ZDHHC7: variants seen among roughly 807,000 people sequenced by gnomAD.
ZDHHC7 encodes zDHHC palmitoyltransferase 7.
A neutral mutation model predicts 34.1 loss-of-function variants in ZDHHC7; 12 were observed. That is an observed-to-expected ratio of 0.35 (90% CI 0.23 to 0.57). The LOEUF (loss-of-function observed/expected upper bound fraction) is 0.57, where lower values mean the gene tolerates loss of function less well. Among genes scored for constraint, ZDHHC7 ranks in the 20% least tolerant of loss-of-function variants. ZDHHC7 has a pLI of 0.84. For missense variants in ZDHHC7, 388 were observed against 402.7 expected (o/e 0.96, Z 0.31); for synonymous variants, 185 against 155.4 (o/e 1.19, Z -1.42).
rs1478293181 is a variant in ZDHHC7, at chr16:85,011,513, G to T, written c.-331C>A. The T allele has an allele frequency of 1.3e-5, 2 of 152,220 alleles. No homozygotes were observed. Among genetic ancestry groups the T allele is most frequent in the Non-Finnish European group, 2.9e-5 (2 of 68,044 alleles). 9.4% of individuals were successfully genotyped at this position (152,220 alleles called of 1,614,324 possible). A position where few individuals can be genotyped will look rare whatever the true frequency, so the allele number is the denominator to read the frequency against. ...CAGCCCGGAGCCTTGGCTGGAGAGC[G>T]GGGCGGTGCGAGCGCCGGAAGTGAA... On this transcript the variant is annotated 5_prime_UTR_variant, in exon 1 of 8. Transcript: ENST00000313732.
At chr16:84,983,810 G>T (rs1470853136) in intron 3 of ZDHHC7, among the ~76,000 whole-genome samples, 1 of 151,720 alleles carries the variant, frequency 6.6e-6, no homozygotes, top group Non-Finnish European at 1.5e-5. Flanking sequence ...GACCAGCCTG[G>T]CAAAGATGGC....
chr16:85,013,936 C>A (rs1178519611), upstream of ZDHHC7, among the ~76,000 whole-genome samples: 1 of 152,198 alleles, frequency 6.6e-6, no homozygotes, highest in African/African-American at 2.4e-5. Context: ...AATCCACCCA[C>A]CTTGGCCTCC....
At chr16:85,015,397 G>A (rs923025281), upstream of ZDHHC7, among the ~76,000 whole-genome samples, 3 of 151,978 alleles carry the variant, frequency 2.0e-5, no homozygotes, top group African/African-American at 2.4e-5. Flanking sequence ...CACCACGCAC[G>A]GCCTCACAGC....
At position 84,986,161 on chromosome 16, in the gene ZDHHC7, C is replaced by A. The variant is rs567512864; in HGVS notation, c.315+4143G>T. Among the ~76,000 whole-genome samples the A allele has an allele frequency of 2.6e-5, 4 of 152,226 alleles. No individual in the cohort carries two copies. The East Asian group carries it at 5.8e-4, about 22-fold the overall frequency. Reference sequence around the variant, plus strand: ...CGGGTTATCTGGGGGAGGGGAACGGCGTGGGCGAGGCCACCACATGATGTG... The same window carrying A: ...CGGGTTATCTGGGGGAGGGGAACGGAGTGGGCGAGGCCACCACATGATGTG... On this transcript the variant is annotated intron_variant, in intron 3 of 7. Transcript: ENST00000313732.
chr16:84,997,818 G>C (rs1226070615), intron 1 of ZDHHC7, among the ~76,000 whole-genome samples: 2 of 147,472 alleles, frequency 1.4e-5, no homozygotes, highest in Non-Finnish European at 3.0e-5. Flanking sequence ...GCATGAACCC[G>C]GGATGCGGAG....
chr16:84,991,918 G>C (rs1349661700), intron 2 of ZDHHC7, among the ~76,000 whole-genome samples: 1 of 152,098 alleles, frequency 6.6e-6, no homozygotes, highest in African/African-American at 2.4e-5. Flanking sequence ...AAAAAAGTAG[G>C]ACCGGGCACA....
At chr16:85,016,024 G>T (rs375863472), upstream of ZDHHC7, among the ~76,000 whole-genome samples, 17 of 152,142 alleles carry the variant, frequency 1.1e-4, no homozygotes, top group East Asian at 2.3e-3. Flanking sequence ...ATTCCAACAG[G>T]AGGAGGGATT....
At chr16:85,026,275 A>G in the ZDHHC7 span, among the ~76,000 whole-genome samples, 12 of 152,184 alleles carry the variant, frequency 7.9e-5, no homozygotes, top group Admixed American at 7.9e-4. Context: ...CATGAATTCT[A>G]CAAGATGGCA....
the ZDHHC7 span, among the ~76,000 whole-genome samples, chr16:85,018,732 G>A: frequency 6.6e-6 from 1 of 152,138 alleles, no homozygotes; most frequent in Non-Finnish European, 1.5e-5. Context: ...TTACAGGCAT[G>A]AGCCACTGCG....
intron 3 of ZDHHC7, among the ~76,000 whole-genome samples, chr16:84,987,955 G>A (rs1306008181): frequency 2.6e-5 from 4 of 152,168 alleles, no homozygotes; most frequent in Non-Finnish European, 5.9e-5. Flanking sequence ...AGATCATAAG[G>A]TCAGGAGATC....
chr16:85,012,370 T>C (rs2072805818), upstream of ZDHHC7, among the ~76,000 whole-genome samples: 1 of 116,834 alleles, frequency 8.6e-6, no homozygotes, highest in African/African-American at 3.8e-5. Context: ...GGCGACAGAG[T>C]GAACAGTCTC....
chr16:85,005,021 C>G (rs919624117), intron 1 of ZDHHC7: 1 of 152,218 alleles, frequency 6.6e-6, no homozygotes, highest in African/African-American at 2.4e-5. Context: ...ACTCGTACCC[C>G]AAAGGTTCCC....
chr16:85,013,792 A>G (rs575283313), upstream of ZDHHC7, among the ~76,000 whole-genome samples: 623 of 152,140 alleles, frequency 4.1e-3, 10 homozygotes, highest in African/African-American at 0.014. Flanking sequence ...GGTTCAAGCA[A>G]TTCTCCTGCC....
At position 84,977,095 on chromosome 16, in the gene ZDHHC7, C is replaced by T. The variant is rs1426357784; in HGVS notation, c.750G>A (p.Thr250=). Residue 250 remains threonine (T), a splice_region_variant and synonymous_variant, in exon 7 of 8, where the codon ACG becomes ACA. Coordinates refer to ENST00000313732, the MANE Select transcript of ZDHHC7 (RefSeq NM_017740.3). ...CCACACAGCCGAGAACAAAGCTTACCGTCTCGTCGTTGCATATGGAGTGGA... is the reference window on the plus strand; with the variant it reads ...CCACACAGCCGAGAACAAAGCTTACTGTCTCGTCGTTGCATATGGAGTGGA... ...TQIHSICNDE[T]EIERLKSEKP... 3 of 1,614,086 alleles carry T rather than the reference C, an allele frequency of 1.9e-6. No individual in the cohort carries two copies. The highest frequency in any genetic ancestry group is 2.5e-6 in the Non-Finnish European group (3 of 1,179,996).
intron 1 of ZDHHC7, among the ~76,000 whole-genome samples, chr16:84,996,235 T>A (rs2072575013): frequency 6.6e-6 from 1 of 152,214 alleles, no homozygotes; most frequent in Non-Finnish European, 1.5e-5. Context: ...CCATTTACCC[T>A]CCTGCTCTTT....
chr16:85,025,089 C>G, the ZDHHC7 span, among the ~76,000 whole-genome samples: 1 of 151,988 alleles, frequency 6.6e-6, no homozygotes, highest in African/African-American at 2.4e-5. Flanking sequence ...CCAGCCTGGC[C>G]AACATGGTGA....
Position 84,990,640 on chromosome 16 carries a change from G to A in ZDHHC7, c.-17-5C>T, listed in dbSNP as rs2072497765. ...GCATGATTTCCCTGACGCACCCTGG[G>A]GAGGGGGACGACACAGAGCTGGTAA... is the stretch of plus-strand genomic sequence containing the variant. On this transcript the variant is annotated splice_polypyrimidine_tract_variant and splice_region_variant and intron_variant, in intron 2 of 7. Coordinates refer to ENST00000313732, the MANE Select transcript of ZDHHC7 (RefSeq NM_017740.3). The A allele has an allele frequency of 2.5e-6, 4 of 1,606,758 alleles. No individual in the cohort carries two copies. The highest frequency in any genetic ancestry group is 2.2e-5 in the East Asian group (1 of 44,822).
chr16:85,019,058 G>T, the ZDHHC7 span, among the ~76,000 whole-genome samples: 1 of 152,190 alleles, frequency 6.6e-6, no homozygotes, highest in Non-Finnish European at 1.5e-5. Flanking sequence ...AGCCTTGTGT[G>T]GGCCACTCAC....
chr16:85,024,973 C>T, the ZDHHC7 span, among the ~76,000 whole-genome samples: 2 of 152,190 alleles, frequency 1.3e-5, no homozygotes, highest in East Asian at 1.9e-4. Flanking sequence ...GGAGGACACT[C>T]TGTAAAAAGA....
Sources: allele counts gnomAD v4.1 joint callset (sites outside exome capture counted in the v4.1 genomes callset), GRCh38; gene constraint gnomAD v4.1.1; transcripts MANE v1.5; gene names NCBI Gene and HGNC (gene_info 2026-07-23, HGNC 2026-07-21).